TMEM108: variants seen among roughly 807,000 people sequenced by gnomAD.
TMEM108 encodes cancer/testis antigen 124.
Under a neutral mutation model 35.1 loss-of-function variants are expected in TMEM108, and 12 were observed. The observed-to-expected ratio is 0.34, with a 90% CI of 0.22 to 0.55. The LOEUF is 0.55. Among genes scored for constraint, TMEM108 ranks in the 20% least tolerant of loss-of-function variants. The pLI is 0.89. For missense variants in TMEM108, 680 were observed against 753.3 expected (o/e 0.90, Z 1.14); for synonymous variants, 287 against 308.6 (o/e 0.93, Z 0.73).
At chr3:133,151,518 A>C (rs1024614547) in intron 2 of TMEM108, among the ~76,000 whole-genome samples, 5 of 152,136 alleles carry the variant, frequency 3.3e-5, no homozygotes, top group African/African-American at 1.2e-4. Context: ...TTTATCTCTT[A>C]CATTCTGAGA....
intron 2 of TMEM108, among the ~76,000 whole-genome samples, chr3:133,078,200 C>T (rs919289512): frequency 1.3e-5 from 2 of 148,554 alleles, no homozygotes; most frequent in African/African-American, 5.1e-5. Context: ...TATCTCAGAT[C>T]TTTGTTTTTA....
intron 2 of TMEM108, among the ~76,000 whole-genome samples, chr3:133,176,325 A>T (rs1043630652): frequency 1.3e-5 from 2 of 152,252 alleles, no homozygotes; most frequent in African/African-American, 4.8e-5. Flanking sequence ...AGTGGACCTA[A>T]TAGACATCTA....
At chr3:133,319,709 T>A (rs556136211) in intron 3 of TMEM108, among the ~76,000 whole-genome samples, 1 of 152,320 alleles carries the variant, frequency 6.6e-6, no homozygotes, top group East Asian at 1.9e-4. Flanking sequence ...CAGGACTCTT[T>A]GCAGACATTC....
intron 3 of TMEM108, among the ~76,000 whole-genome samples, chr3:133,273,284 G>A (rs1356073199): frequency 6.6e-6 from 1 of 152,194 alleles, no homozygotes; most frequent in Non-Finnish European, 1.5e-5. Flanking sequence ...CTTATGATGT[G>A]TCCAATGGAA....
intron 2 of TMEM108, among the ~76,000 whole-genome samples, chr3:133,102,553 T>C (rs1944101541): frequency 6.6e-6 from 1 of 152,212 alleles, no homozygotes; most frequent in African/African-American, 2.4e-5. Context: ...CTCCCTAGAA[T>C]AGACTGTGAG....
chr3:133,303,645 A>AAC (rs140259984), intron 3 of TMEM108, among the ~76,000 whole-genome samples: 1,674 of 151,380 alleles, frequency 0.011, 14 homozygotes, highest in Middle Eastern at 0.021. Context: ...CCTAGTCATA[A>AAC]ACACACACAC....
chr3:133,068,335 G>A (rs73860822), intron 2 of TMEM108, among the ~76,000 whole-genome samples: 4 of 152,010 alleles, frequency 2.6e-5, no homozygotes, highest in Non-Finnish European at 5.9e-5. Context: ...CAGGTTGGAG[G>A]GAGAGAAGGA....
chr3:133,264,867 T>G (rs1312088874), intron 3 of TMEM108, among the ~76,000 whole-genome samples: 1 of 152,140 alleles, frequency 6.6e-6, no homozygotes, highest in African/African-American at 2.4e-5. Context: ...GAAATCACTC[T>G]AGGTATTTCA....
intron 3 of TMEM108, among the ~76,000 whole-genome samples, chr3:133,250,263 C>T (rs1009287407): frequency 6.6e-6 from 1 of 152,160 alleles, no homozygotes; most frequent in Non-Finnish European, 1.5e-5. Flanking sequence ...AGACCAACCC[C>T]TCCTCTTCCG....
chr3:133,294,020 A>G (rs1251093812), intron 3 of TMEM108, among the ~76,000 whole-genome samples: 1 of 152,144 alleles, frequency 6.6e-6, no homozygotes, highest in Non-Finnish European at 1.5e-5. Flanking sequence ...AAAGTCTCAG[A>G]TTTGTTATGA....
chr3:133,126,780 A>G (rs965169136), intron 2 of TMEM108, among the ~76,000 whole-genome samples: 2 of 152,254 alleles, frequency 1.3e-5, no homozygotes, highest in African/African-American at 4.8e-5. Flanking sequence ...CCTTATATAA[A>G]ATGAAGTATT....
At chr3:133,129,738 G>C (rs1944465278) in intron 2 of TMEM108, among the ~76,000 whole-genome samples, 1 of 152,014 alleles carries the variant, frequency 6.6e-6, no homozygotes, top group South Asian at 2.1e-4. Flanking sequence ...ATTTAATTCT[G>C]TAACCACCCT....
intron 2 of TMEM108, among the ~76,000 whole-genome samples, chr3:133,221,239 G>C (rs1201373651): frequency 6.6e-6 from 1 of 152,148 alleles, no homozygotes. Flanking sequence ...TTCATGGCTT[G>C]ATTTTTCTGG....
chr3:133,167,488 C>T (rs1408143420), intron 2 of TMEM108, among the ~76,000 whole-genome samples: 1 of 152,266 alleles, frequency 6.6e-6, no homozygotes, highest in Non-Finnish European at 1.5e-5. Context: ...CAGGAGCCCA[C>T]CGTGGGGGGA....
chr3:133,184,636 A>AT (rs59482996), intron 2 of TMEM108, among the ~76,000 whole-genome samples: 1 of 152,142 alleles, frequency 6.6e-6, no homozygotes, highest in African/African-American at 2.4e-5. Context: ...CCCTTCAGTC[A>AT]TTTTTTTCTC....
At chr3:133,327,087 CTGTT>C (rs370491078) in intron 3 of TMEM108, among the ~76,000 whole-genome samples, 153 of 152,160 alleles carry the variant, frequency 1.0e-3, no homozygotes, top group African/African-American at 3.6e-3. Context: ...GTGTGTGTGA[CTGTT>C]TGCCACAAGA....
chr3:133,315,416 C>A (rs956519192), intron 3 of TMEM108, among the ~76,000 whole-genome samples: 1 of 152,180 alleles, frequency 6.6e-6, no homozygotes, highest in Non-Finnish European at 1.5e-5. Flanking sequence ...CCCTGAGGAC[C>A]ACACCTGGGT....
chr3:133,180,080 A>C (rs954694366), intron 2 of TMEM108, among the ~76,000 whole-genome samples: 9 of 152,200 alleles, frequency 5.9e-5, no homozygotes, highest in African/African-American at 2.2e-4. Context: ...AATATATTCT[A>C]GTATTTCAAG....
intron 1 of TMEM108, among the ~76,000 whole-genome samples, chr3:133,041,429 C>T (rs1943275081): frequency 6.6e-6 from 1 of 152,220 alleles, no homozygotes; most frequent in South Asian, 2.1e-4. Context: ...ACTGCTGCCC[C>T]TGGGAATTCC....
Sources: gnomAD v4.1 joint callset for allele counts (sites outside exome capture counted in the v4.1 genomes callset) on GRCh38, gnomAD v4.1.1 for gene constraint, MANE v1.5 for transcripts, NCBI Gene and HGNC (gene_info 2026-07-23, HGNC 2026-07-21) for gene names.